COL9A3: variants seen among roughly 807,000 people sequenced by gnomAD.
COL9A3 encodes collagen type IX alpha 3 chain.
Under a neutral mutation model 110.2 loss-of-function variants are expected in COL9A3, and 82 were observed. The ratio of observed to expected loss-of-function variants is 0.74; its 90% CI spans 0.62 to 0.89. COL9A3 has a LOEUF of 0.89. Ranked by LOEUF, COL9A3 falls within the 40% of genes least tolerant of loss-of-function variation. The pLI is 0.00. For synonymous variants in COL9A3, 494 were observed against 403.8 expected (o/e 1.22, Z -2.68); for missense variants, 1,066 against 981.3 (o/e 1.09, Z -1.15).
At position 62,836,518 on chromosome 20, in the gene COL9A3, G is replaced by C. The variant is rs753874454; in HGVS notation, c.1589G>C (p.Gly530Ala). Residue 530 changes from glycine (G) to alanine (A), a missense_variant, in exon 29 of 32, where the codon GGG becomes GCG. By Grantham distance (60) the Gly-to-Ala change is moderately conservative (BLOSUM62 0). Coordinates refer to ENST00000649368, the MANE Select transcript of COL9A3 (RefSeq NM_001853.4). ...ASEQRIRELC[G>A]GMISEQIAQL... is the part of the protein sequence containing the mutation. ...GAGCAGCGCATCAGGGAGCTGTGTGGGGGGATGATCAGCGGTAAGTCAGCC... is the reference window on the plus strand; with the variant it reads ...GAGCAGCGCATCAGGGAGCTGTGTGCGGGGATGATCAGCGGTAAGTCAGCC... The C allele has an allele frequency of 8.7e-6, 14 of 1,612,398 alleles. No homozygotes were observed. Among genetic ancestry groups the C allele is most frequent in the Non-Finnish European group, 1.2e-5 (14 of 1,179,308 alleles).
At position 62,837,256 on chromosome 20, in the gene COL9A3, G is replaced by A. The variant is rs1007898382; in HGVS notation, c.1777G>A (p.Gly593Arg). ...TCCCACTGGGGAGCTGGGAGACCCC[G>A]GGCCCAGAGGTGAGTGTTTGACCCC... ...RGPTGELGDP[G>R]PRGNQGDRGD... Residue 593 changes from glycine to arginine, a missense_variant, in exon 30 of 32, where the codon GGG becomes AGG. By Grantham distance (125) the Gly-to-Arg change is moderately radical. Coordinates refer to ENST00000649368, the MANE Select transcript of COL9A3 (RefSeq NM_001853.4). 24 of 1,610,014 alleles carry A rather than the reference G, an allele frequency of 1.5e-5. No homozygotes were observed. Among genetic ancestry groups the A allele is most frequent in the African/African-American group, 6.7e-5 (5 of 74,896 alleles).
At chr20:62,832,759 AC>A (rs2063606308) in intron 25 of COL9A3, 2 of 401,112 alleles carry the variant, frequency 5.0e-6, no homozygotes, top group East Asian at 4.0e-5. Context: ...CAGCCATCGA[AC>A]CCCCACCGCA....
Position 62,818,737 on chromosome 20 carries a change from C to T in COL9A3, c.183+184C>T, listed in dbSNP as rs2294987. Among the ~76,000 whole-genome samples, 67 of 152,320 alleles carry T rather than the reference C, an allele frequency of 4.4e-4. 2 individuals are homozygous for T. In the East Asian group the frequency reaches 0.013, roughly 29 times the overall value. ...GCGGGAGGGGAGTGTGTGGGCTCAG[C>T]CTCTGCATGTTCAGGGCAGGGCCTG... On this transcript the variant is annotated intron_variant, in intron 3 of 31. Coordinates refer to ENST00000649368, the MANE Select transcript of COL9A3 (RefSeq NM_001853.4).
chr20:62,823,072 C>A (rs1030871088), intron 10 of COL9A3, among the ~76,000 whole-genome samples: 5 of 152,338 alleles, frequency 3.3e-5, no homozygotes, highest in African/African-American at 1.2e-4. Flanking sequence ...CGCAGTGGCT[C>A]AGGCCTGTAA....
Position 62,838,770 on chromosome 20 carries a change from C to A in COL9A3, c.1864+9C>A, listed in dbSNP as rs1348211828. ...AGACCAGGGGCCCCAAGGTACGAGTCCACGGCCAGCAAGGCTTCACTGGGT... is the reference window on the plus strand; with the variant it reads ...AGACCAGGGGCCCCAAGGTACGAGTACACGGCCAGCAAGGCTTCACTGGGT... On this transcript the variant is annotated intron_variant, in intron 31 of 31. Transcript: ENST00000649368. 1.3e-6 allele frequency: 2 copies of A among 1,550,318 alleles called. No homozygotes were observed. Among genetic ancestry groups the A allele is most frequent in the Admixed American group, 2.0e-5 (1 of 51,006 alleles).
chr20:62,830,358 A>C lies in COL9A3; in HGVS notation c.1162-2A>C, dbSNP rs1568758666. The C allele has an allele frequency of 7.0e-6, 11 of 1,570,864 alleles. No individual in the cohort carries two copies. The highest frequency in any genetic ancestry group is 7.8e-6 in the Non-Finnish European group (9 of 1,157,548). On this transcript the variant is annotated splice_acceptor_variant, in intron 22 of 31. Coordinates refer to ENST00000649368, the MANE Select transcript of COL9A3 (RefSeq NM_001853.4). LOFTEE classifies it high-confidence loss of function. ...CGCTCACACCTCACCTTTGTCTTCC[A>C]GGGGGCCCTCGGCCCACAAGGCCCT...
At position 62,840,704 on chromosome 20, in the gene COL9A3, G is replaced by C; in HGVS notation, c.2027G>C (p.Gly676Ala). Residue 676 changes from glycine to alanine, a missense_variant, in exon 32 of 32, where the codon GGG (glycine) becomes GCG (alanine). Transcript: ENST00000649368. ...CAAGGAGCCGTGTTAGGAGGGGTCG[G>C]GGAGAAATCAGGCTCTCGAAGCTCA... The part of the protein sequence containing the change: ...ACQGAVLGGV[G>A]EKSGSRSS 1 of 1,588,926 alleles carries C rather than the reference G, an allele frequency of 6.3e-7. No individual in the cohort carries two copies. Among genetic ancestry groups the C allele is most frequent in the Non-Finnish European group, 8.6e-7 (1 of 1,167,520 alleles).
rs113219416 is a variant in COL9A3, at chr20:62,840,523, C to T, written c.1865-19C>T. 78 of 1,609,392 alleles carry T rather than the reference C, an allele frequency of 4.8e-5. 1 individual carries two copies. The South Asian group carries it at 7.1e-4, about 15-fold the overall frequency. On this transcript the variant is annotated intron_variant, in intron 31 of 31. Coordinates refer to ENST00000649368, the MANE Select transcript of COL9A3 (RefSeq NM_001853.4). Reference sequence around the variant, plus strand: ...CAGTCCGGGCTGCAGCTGAACTCACCTTTCTGCTCTGTCCCAAGGACCCCA... The same window carrying T: ...CAGTCCGGGCTGCAGCTGAACTCACTTTTCTGCTCTGTCCCAAGGACCCCA...
chr20:62,818,752 G>T (rs1226074826), intron 3 of COL9A3, among the ~76,000 whole-genome samples, 199 bp downstream of exon 3: 1 of 152,216 alleles, frequency 6.6e-6, no homozygotes, highest in East Asian at 1.9e-4. Context: ...GCATGTTCAG[G>T]GCAGGGCCTG....
rs758561741 is a variant in COL9A3 at position 62,832,214 on chromosome 20, A to G, written c.1323+25A>G. On this transcript the variant is annotated intron_variant, in intron 25 of 31. Coordinates refer to ENST00000649368, the MANE Select transcript of COL9A3 (RefSeq NM_001853.4). ...GGTGAGCTGGGCACAGGCTGGGGCA[A>G]AAGGAATGAAGGCAAAGCTGCACAG... The G allele has an allele frequency of 2.5e-6, 4 of 1,611,738 alleles. No individual in the cohort carries two copies. The East Asian group carries it at 8.9e-5, about 36-fold the overall frequency.
rs898181386 is a variant in COL9A3 at position 62,825,696 on chromosome 20, G to T, written c.631-121G>T. 2.6e-5 allele frequency: 26 copies of T among 1,007,310 alleles called. No individual in the cohort carries two copies. The Admixed American group carries it at 2.6e-4, about 10-fold the overall frequency. The allele number at this position is 1,007,310 out of a possible 1,614,324, so 62.4% of individuals were successfully genotyped here. On this transcript the variant is annotated intron_variant, in intron 12 of 31. Coordinates refer to ENST00000649368, the MANE Select transcript of COL9A3 (RefSeq NM_001853.4). The stretch of plus-strand genomic sequence containing the variant: ...GTGTCCCCTTCACAGAGCCTCCAAG[G>T]CCCAGCTGTGAAGGGGGCAACACCC...
At chr20:62,838,833 G>C in intron 31 of COL9A3, 72 bp downstream of exon 31, 1 of 1,275,970 alleles carries the variant, frequency 7.8e-7, no homozygotes, top group South Asian at 1.3e-5. Context: ...TATGTGGGGC[G>C]TGCTTGGGTT....
In COL9A3 at chr20:62,819,210, C is replaced by T. The variant is rs778066317; in HGVS notation, c.184-12C>T. 7 of 1,612,282 alleles carry T rather than the reference C, an allele frequency of 4.3e-6. No individual in the cohort carries two copies. Among genetic ancestry groups the T allele is most frequent in the Admixed American group, 1.7e-5 (1 of 59,992 alleles). On this transcript the variant is annotated splice_polypyrimidine_tract_variant and intron_variant, in intron 3 of 31. Coordinates refer to ENST00000649368, the MANE Select transcript of COL9A3 (RefSeq NM_001853.4). ...CCCCGCCTTCACATCTCTGCCCTTT[C>T]CTCCTGCACAGGGACCAAAGGGGGC...
At chr20:62,826,396 C>G (rs2063552792) in intron 14 of COL9A3, 139 bp downstream of exon 14, 4 of 837,848 alleles carry the variant, frequency 4.8e-6, no homozygotes, top group Non-Finnish European at 7.5e-6. Context: ...CACTGTGGCG[C>G]AGGCCTTGCT....
At chr20:62,817,388 C>G (rs1165870661) in intron 1 of COL9A3, 179 bp from the exon 2 acceptor site, 2 of 539,010 alleles carry the variant, frequency 3.7e-6, no homozygotes, top group African/African-American at 4.1e-5. Context: ...TTCCCGCCGC[C>G]GGAGGGAGGC....
intron 29 of COL9A3, 78 bp from the exon 30 acceptor site, chr20:62,837,005 A>C: frequency 3.2e-6 from 5 of 1,538,606 alleles, no homozygotes; most frequent in African/African-American, 1.4e-5. Flanking sequence ...AGCACCGTGT[A>C]GATATTTTAT....
chr20:62,826,714 A>T, intron 14 of COL9A3, 53 bp from the exon 15 acceptor site: 5 of 1,599,170 alleles, frequency 3.1e-6, no homozygotes, highest in Non-Finnish European at 1.7e-6. Context: ...CACTGGGGGG[A>T]TGCCAGCCAG....
chr20:62,828,022 G>C, intron 17 of COL9A3, 46 bp downstream of exon 17: 2 of 1,602,420 alleles, frequency 1.2e-6, no homozygotes, highest in Non-Finnish European at 1.7e-6. Context: ...CCCGGGTCCT[G>C]GGTATGTACA....
rs1568765627 is a variant in COL9A3 at position 62,837,158 on chromosome 20, G to GT, written c.1679_1680insT (p.Gly563TrpfsTer38). On this transcript the variant is annotated frameshift_variant, in exon 30 of 32. Transcript: ENST00000649368. LOFTEE classifies it high-confidence loss of function. The stretch of plus-strand genomic sequence containing the variant: ...TCCATTGGTCGGCCCGGTCCAGCTG[G>GT]CCCCCCTGGGCCCCCAGGACCCCCA... The GT allele has an allele frequency of 3.1e-6, 5 of 1,612,964 alleles. No individual in the cohort carries two copies. The highest frequency in any genetic ancestry group is 4.2e-6 in the Non-Finnish European group (5 of 1,179,910).
Sources: allele counts gnomAD v4.1 joint callset (sites outside exome capture counted in the v4.1 genomes callset), GRCh38; gene constraint gnomAD v4.1.1; transcripts MANE v1.5; gene names NCBI Gene and HGNC (gene_info 2026-07-23, HGNC 2026-07-21).